The following GTF2B variants were observed in gnomAD, a reference collection of about 807,000 sequenced individuals.
GTF2B encodes transcription initiation factor IIB.
GTF2B carries 20 observed loss-of-function variants against 34.6 expected under a neutral mutation model. The observed-to-expected ratio is 0.58, with a 90% CI of 0.41 to 0.84. The LOEUF (loss-of-function observed/expected upper bound fraction) is 0.84, where lower values mean the gene tolerates loss of function less well. Among genes scored for constraint, GTF2B ranks in the 40% least tolerant of loss-of-function variants. The probability of loss-of-function intolerance (pLI) is 0.00; values close to 1 mark genes in which losing one functional copy is unlikely to be tolerated. For missense variants in GTF2B, 237 were observed against 393.3 expected (o/e 0.60, Z 3.36); for synonymous variants, 142 against 132.4 (o/e 1.07, Z -0.50).
intron 3 of GTF2B, among the ~76,000 whole-genome samples, chr1:88,863,745 T>C (rs777778884): frequency 6.6e-6 from 1 of 152,132 alleles, no homozygotes; most frequent in African/African-American, 2.4e-5. Context: ...GAAAATGTCA[T>C]TTATGAAAAA....
At chr1:88,876,675 A>G (rs1673825490) in intron 2 of GTF2B, among the ~76,000 whole-genome samples, 2 of 152,190 alleles carry the variant, frequency 1.3e-5, no homozygotes, top group Non-Finnish European at 2.9e-5. Context: ...CCCTGTCTCA[A>G]AAAAAAGCAC....
intron 1 of GTF2B, among the ~76,000 whole-genome samples, chr1:88,891,029 A>G (rs1030879500): frequency 1.3e-5 from 2 of 149,978 alleles, no homozygotes; most frequent in Non-Finnish European, 3.0e-5. Flanking sequence ...TGTCAGATCG[A>G]TAGGAACCTG....
At position 88,853,191 on chromosome 1, in the gene GTF2B, A is replaced by T. The variant is rs1673230897; in HGVS notation, c.*22T>A. On this transcript the variant is annotated 3_prime_UTR_variant, in exon 7 of 7. Coordinates refer to ENST00000370500, the MANE Select transcript of GTF2B (RefSeq NM_001514.6). ...AACAGGCAAAGTTTTGTATTCAAGA[A>T]TTTGACGTTAGCTGCCTCAATTTAT... 6.2e-7 allele frequency: 1 copy of T among 1,612,198 alleles called. No homozygotes were observed. Among genetic ancestry groups the T allele is most frequent in the African/African-American group, 1.3e-5 (1 of 75,004 alleles).
chr1:88,855,205 T>C (rs888003628), intron 6 of GTF2B, among the ~76,000 whole-genome samples: 2 of 152,228 alleles, frequency 1.3e-5, no homozygotes, highest in African/African-American at 4.8e-5. Flanking sequence ...CCAAAGGGAA[T>C]GGATAATGGC....
intron 2 of GTF2B, among the ~76,000 whole-genome samples, chr1:88,872,455 T>TAA (rs34668666): frequency 0.23 from 17,104 of 74,956 alleles, 4,313 homozygotes; most frequent in Non-Finnish European, 0.31. Context: ...TCCATCTCAA[T>TAA]AAAAAAAAAA....
intron 2 of GTF2B, among the ~76,000 whole-genome samples, chr1:88,878,596 T>C (rs556697088): frequency 3.2e-4 from 48 of 152,316 alleles, no homozygotes; most frequent in Admixed American, 1.3e-3. Context: ...CCCATCCACA[T>C]GTTCTTCTGC....
At chr1:88,861,399 C>G (rs115967347) in intron 3 of GTF2B, among the ~76,000 whole-genome samples, 3,616 of 152,292 alleles carry the variant, frequency 0.024, 147 homozygotes, top group African/African-American at 0.082. Context: ...GCGCAGTGGC[C>G]CATGCCTGTA....
intron 6 of GTF2B, among the ~76,000 whole-genome samples, chr1:88,853,584 C>T (rs1314586702): frequency 2.6e-5 from 4 of 152,178 alleles, no homozygotes; most frequent in African/African-American, 9.7e-5. Flanking sequence ...GCGGGTGGAT[C>T]ACCAGGTCAG....
chr1:88,883,350 T>G (rs1335201073), intron 2 of GTF2B, among the ~76,000 whole-genome samples: 1 of 152,198 alleles, frequency 6.6e-6, no homozygotes, highest in African/African-American at 2.4e-5. Context: ...GTCACCAGAT[T>G]AGTGTGTCAT....
chr1:88,882,344 A>C (rs2100978733), intron 2 of GTF2B, among the ~76,000 whole-genome samples: 1 of 148,562 alleles, frequency 6.7e-6, no homozygotes, highest in East Asian at 2.0e-4. Flanking sequence ...AAAACGCTAC[A>C]GAGGTTAGGA....
chr1:88,867,881 C>T (rs990380180), intron 2 of GTF2B, among the ~76,000 whole-genome samples: 3 of 152,032 alleles, frequency 2.0e-5, no homozygotes, highest in Admixed American at 6.5e-5. Flanking sequence ...TTTCCACATA[C>T]GTAGGAATGA....
At chr1:88,873,726 G>A (rs1473543640) in intron 2 of GTF2B, among the ~76,000 whole-genome samples, 4 of 151,970 alleles carry the variant, frequency 2.6e-5, no homozygotes, top group Non-Finnish European at 5.9e-5. Flanking sequence ...TATCATGTCT[G>A]CATTCTAGCC....
At chr1:88,871,380 T>A (rs952526804) in intron 2 of GTF2B, among the ~76,000 whole-genome samples, 2 of 152,246 alleles carry the variant, frequency 1.3e-5, no homozygotes, top group African/African-American at 4.8e-5. Context: ...GATAACTTTA[T>A]GGAAGCTTCT....
chr1:88,891,527 A>G lies in GTF2B; in HGVS notation c.-28T>C, dbSNP rs1476161771. 6.3e-7 allele frequency: 1 copy of G among 1,598,472 alleles called. No individual in the cohort carries two copies. On this transcript the variant is annotated 5_prime_UTR_variant, in exon 1 of 7. Coordinates refer to ENST00000370500, the MANE Select transcript of GTF2B (RefSeq NM_001514.6). ...TCACGGCGACTGCGGTGCCCGCAAC[A>G]AGACACAACAGACACACCGAAAGCA...
chr1:88,866,894 T>G (rs1673571314), intron 2 of GTF2B, among the ~76,000 whole-genome samples: 1 of 152,128 alleles, frequency 6.6e-6, no homozygotes, highest in African/African-American at 2.4e-5. Flanking sequence ...TTTTAATACA[T>G]CACACATTGA....
Position 88,872,454 on chromosome 1 carries a change from A to AT in GTF2B, c.125-8341dup, listed in dbSNP as rs1491126834. ...GCAACAAGAGTGAAACTCCATCTCA[A>AT]TAAAAAAAAAAAAAAAAAAAAAAAA... On this transcript the variant is annotated intron_variant, in intron 2 of 6. Transcript: ENST00000370500. Among the ~76,000 whole-genome samples, 82 of 97,910 alleles carry AT rather than the reference A, an allele frequency of 8.4e-4. No individual in the cohort carries two copies. The East Asian group carries it at 0.01, about 12-fold the overall frequency. 64.2% of individuals were successfully genotyped at this position (97,910 alleles called of 152,430 possible).
intron 4 of GTF2B, 34 bp from the exon 5 acceptor site, chr1:88,860,045 T>C (rs759114479): frequency 5.0e-6 from 8 of 1,611,322 alleles, no homozygotes; most frequent in Admixed American, 1.7e-5. Flanking sequence ...TAACTCTACG[T>C]CATTTAATTA....
chr1:88,865,805 C>T (rs1442149320), intron 2 of GTF2B, among the ~76,000 whole-genome samples: 10 of 150,916 alleles, frequency 6.6e-5, no homozygotes, highest in East Asian at 1.9e-4. Flanking sequence ...GAACTGAGAT[C>T]GCAACAAGAG....
intron 1 of GTF2B, among the ~76,000 whole-genome samples, chr1:88,890,660 C>T (rs1674178190): frequency 6.6e-6 from 1 of 152,092 alleles, no homozygotes; most frequent in South Asian, 2.1e-4. Context: ...TACACTTATG[C>T]AAAAATACTA....
Sources: gnomAD v4.1 joint callset for allele counts (sites outside exome capture counted in the v4.1 genomes callset) on GRCh38, gnomAD v4.1.1 for gene constraint, MANE v1.5 for transcripts, NCBI Gene and HGNC (gene_info 2026-07-23, HGNC 2026-07-21) for gene names.